The following EFR3A variants were observed in gnomAD, a reference collection of about 807,000 sequenced individuals.
The protein encoded by EFR3A is EFR3 homolog A, also known as protein EFR3 homolog A.
Under a neutral mutation model 104.4 loss-of-function variants are expected in EFR3A, and 76 were observed. The ratio of observed to expected loss-of-function variants is 0.73; its 90% CI spans 0.60 to 0.88. The LOEUF (loss-of-function observed/expected upper bound fraction) is 0.88, where lower values mean the gene tolerates loss of function less well. Ranked by LOEUF, EFR3A falls within the 40% of genes least tolerant of loss-of-function variation. The pLI, the probability that EFR3A is intolerant of heterozygous loss-of-function variation, is 0.00. For synonymous variants in EFR3A, 330 were observed against 330.0 expected (o/e 1.00, Z 0.00); for missense variants, 985 against 1,012.5 (o/e 0.97, Z 0.37).
chr8:132,010,439 T>TATATATAGG (rs1822282385), intron 22 of EFR3A, among the ~76,000 whole-genome samples: 2 of 126,722 alleles, frequency 1.6e-5, no homozygotes, highest in African/African-American at 6.0e-5. Flanking sequence ...TATATATATA[T>TATATATAGG]ATATATATAT....
chr8:131,921,886 G>A (rs1344599879), intron 1 of EFR3A, among the ~76,000 whole-genome samples: 1 of 152,134 alleles, frequency 6.6e-6, no homozygotes, highest in Non-Finnish European at 1.5e-5. Context: ...GAATTTACTG[G>A]TGTACATGTT....
chr8:131,994,842 A>G (rs1429685734), intron 18 of EFR3A, among the ~76,000 whole-genome samples: 1 of 152,128 alleles, frequency 6.6e-6, no homozygotes, highest in Non-Finnish European at 1.5e-5. Context: ...TCACACAAGT[A>G]TTTATGGAGT....
chr8:131,907,336 G>A (rs1816304478), intron 1 of EFR3A, among the ~76,000 whole-genome samples: 1 of 152,188 alleles, frequency 6.6e-6, no homozygotes, highest in Admixed American at 6.5e-5. Context: ...AATGGCTCCT[G>A]AGTTCACAGA....
chr8:131,938,325 A>G (rs1458116580), intron 1 of EFR3A: 10 of 397,628 alleles, frequency 2.5e-5, no homozygotes, highest in Non-Finnish European at 4.0e-5. Flanking sequence ...AGTAGGTCCA[A>G]TGATTTTATT....
chr8:131,932,127 A>G (rs567422371), intron 1 of EFR3A, among the ~76,000 whole-genome samples: 17 of 152,150 alleles, frequency 1.1e-4, no homozygotes, highest in African/African-American at 3.9e-4. Context: ...TTGTTGTACT[A>G]ATGTTATTGG....
At chr8:131,910,512 AT>A (rs752339760) in intron 1 of EFR3A, among the ~76,000 whole-genome samples, 37 of 152,162 alleles carry the variant, frequency 2.4e-4, no homozygotes, top group Non-Finnish European at 8.8e-5. Context: ...AGCTCAGGCA[AT>A]CTGCCTGCCT....
intron 18 of EFR3A, among the ~76,000 whole-genome samples, chr8:131,989,177 A>G (rs575784819): frequency 1.3e-5 from 2 of 152,336 alleles, no homozygotes; most frequent in East Asian, 3.9e-4. Flanking sequence ...TATCTGTGGC[A>G]TTAGTATCCT....
Position 132,011,515 on chromosome 8 carries a change from T to C in EFR3A, c.*620T>C. Reference sequence around the variant, plus strand: ...CTCGAATATAACCCTAAAAACGCCATACTTTAAATTGTCTGGTTCTTGTAA... The same window carrying C: ...CTCGAATATAACCCTAAAAACGCCACACTTTAAATTGTCTGGTTCTTGTAA... On this transcript the variant is annotated 3_prime_UTR_variant, in exon 23 of 23. Transcript: ENST00000254624. 1.3e-6 allele frequency: 1 copy of C among 767,126 alleles called. No homozygotes were observed. The highest frequency in any genetic ancestry group is 1.6e-6 in the Non-Finnish European group (1 of 630,402). 47.5% of individuals were successfully genotyped at this position (767,126 alleles called of 1,614,324 possible). A position where few individuals can be genotyped will look rare whatever the true frequency, so the allele number is the denominator to read the frequency against.
At chr8:132,008,691 TC>T (rs1586688931) in intron 22 of EFR3A, among the ~76,000 whole-genome samples, 1 of 151,362 alleles carries the variant, frequency 6.6e-6, no homozygotes, top group Non-Finnish European at 1.5e-5. Context: ...TATGGGTATG[TC>T]AGAGTGGGGA....
At chr8:131,962,940 G>A (rs1030442034) in intron 8 of EFR3A, among the ~76,000 whole-genome samples, 22 of 152,196 alleles carry the variant, frequency 1.4e-4, no homozygotes, top group African/African-American at 5.1e-4. Context: ...CAACTACATG[G>A]AAACTGAGCA....
chr8:131,959,263 C>G (rs1220770154), intron 7 of EFR3A, among the ~76,000 whole-genome samples: 1 of 151,894 alleles, frequency 6.6e-6, no homozygotes, highest in South Asian at 2.1e-4. Flanking sequence ...CTTCATTCAC[C>G]CTCTTTCATT....
chr8:132,013,554 A>G lies in EFR3A; in HGVS notation c.*2659A>G, dbSNP rs1424685534. ...TCACTGTGCAATTCATATGTCAGCA[A>G]TAAAACATAGATTATTTGTATATAA... On this transcript the variant is annotated 3_prime_UTR_variant, in exon 23 of 23. Transcript: ENST00000254624. The G allele has an allele frequency of 1.3e-5, 2 of 152,636 alleles. No individual in the cohort carries two copies. Among genetic ancestry groups the G allele is most frequent in the African/African-American group, 2.4e-5 (1 of 41,448 alleles). 9.5% of individuals were successfully genotyped at this position (152,636 alleles called of 1,614,324 possible). A position where few individuals can be genotyped will look rare whatever the true frequency, so the allele number is the denominator to read the frequency against.
intron 6 of EFR3A, among the ~76,000 whole-genome samples, chr8:131,954,383 A>G (rs1178082096): frequency 6.6e-6 from 1 of 152,014 alleles, no homozygotes; most frequent in African/African-American, 2.4e-5. Flanking sequence ...AATGATAATA[A>G]TAGCTACCCA....
intron 2 of EFR3A, 63 bp downstream of exon 2, chr8:131,940,638 C>T (rs1363597367): frequency 6.5e-7 from 1 of 1,537,292 alleles, no homozygotes; most frequent in Non-Finnish European, 8.8e-7. Flanking sequence ...CCGCTGACCT[C>T]CTTAAGGTTT....
intron 8 of EFR3A, among the ~76,000 whole-genome samples, chr8:131,964,529 C>G (rs1207332655): frequency 6.6e-6 from 1 of 152,024 alleles, no homozygotes; most frequent in Non-Finnish European, 1.5e-5. Context: ...TGTGAAGGAC[C>G]TCTTCAAGGA....
At chr8:131,984,375 T>G (rs749306462) in intron 15 of EFR3A, 75 bp downstream of exon 15, 281 of 1,359,530 alleles carry the variant, frequency 2.1e-4, no homozygotes, top group Non-Finnish European at 2.7e-4. Flanking sequence ...GTTGCCGTTA[T>G]CCAAGGACAT....
Position 131,963,652 on chromosome 8 carries a change from G to A in EFR3A, c.855+3989G>A, listed in dbSNP as rs553453376. On this transcript the variant is annotated intron_variant, in intron 8 of 22. Coordinates refer to ENST00000254624, the MANE Select transcript of EFR3A (RefSeq NM_015137.6). ...ATTTCTACCAGAGGTACAAGGAGGAGCTGGTACCATGCCTTTTGAAACTAT... is the reference window on the plus strand; with the variant it reads ...ATTTCTACCAGAGGTACAAGGAGGAACTGGTACCATGCCTTTTGAAACTAT... 1.8e-3 allele frequency among the ~76,000 whole-genome samples: 280 copies of A among 152,260 alleles called. 2 individuals are homozygous for A. Among genetic ancestry groups the A allele is most frequent in the African/African-American group, 6.5e-3 (272 of 41,544 alleles).
In EFR3A at chr8:132,003,257, C is replaced by G. The variant is rs139120454; in HGVS notation, c.2332C>G (p.Leu778Val). ...GCAGGCAAATTTGCTTCATGATAGA[C>G]TTGCCCAAATATTGGAACTCACCAT... is the stretch of plus-strand genomic sequence containing the variant. The part of the protein sequence containing the change: ...ESKANLLHDR[L>V]AQILELTIRP... Residue 778 changes from leucine to valine, a missense_variant, in exon 22 of 23, where the codon CTT (leucine) becomes GTT (valine). By Grantham distance (32) the Leu-to-Val change is conservative (BLOSUM62 1). Coordinates refer to ENST00000254624, the MANE Select transcript of EFR3A (RefSeq NM_015137.6). 2.7e-5 allele frequency: 44 copies of G among 1,612,552 alleles called. No homozygotes were observed. Among genetic ancestry groups the G allele is most frequent in the Non-Finnish European group, 3.5e-5 (41 of 1,179,230 alleles).
chr8:131,984,280 C>T lies in EFR3A; in HGVS notation c.1717C>T (p.Arg573Ter), dbSNP rs760463714. Residue 573 changes from arginine to a stop codon, truncating the protein, a stop_gained, in exon 15 of 23, where the codon CGA (arginine) becomes TGA (stop). Coordinates refer to ENST00000254624, the MANE Select transcript of EFR3A (RefSeq NM_015137.6). LOFTEE classifies it high-confidence loss of function. ...TGAAGAAGTAGTTATTGATCTCATTCGACTGGCCATTGCTTTACAGGTATG... is the reference window on the plus strand; with the variant it reads ...TGAAGAAGTAGTTATTGATCTCATTTGACTGGCCATTGCTTTACAGGTATG... ...ANEEVVIDLI[R>*]LAIALQDSAI... 1 of 1,602,006 alleles carries T rather than the reference C, an allele frequency of 6.2e-7. No individual in the cohort carries two copies. Among genetic ancestry groups the T allele is most frequent in the Non-Finnish European group, 8.5e-7 (1 of 1,174,816 alleles).
Sources: gnomAD v4.1 joint callset for allele counts (sites outside exome capture counted in the v4.1 genomes callset) on GRCh38, gnomAD v4.1.1 for gene constraint, MANE v1.5 for transcripts, NCBI Gene and HGNC (gene_info 2026-07-23, HGNC 2026-07-21) for gene names.